ZZZ3: variants seen among roughly 807,000 people sequenced by gnomAD.
The protein encoded by ZZZ3 is zinc finger ZZ-type containing 3, also known as ZZ-type zinc finger-containing protein 3.
In ZZZ3, 22 loss-of-function variants were observed where a neutral mutation model predicts 95.2. The observed-to-expected ratio is 0.23, with a 90% confidence interval of 0.17 to 0.33. ZZZ3 has a LOEUF of 0.33. Ranked by LOEUF, ZZZ3 falls within the 10% of genes least tolerant of loss-of-function variation. The probability of loss-of-function intolerance (pLI) is 1.00; values close to 1 mark genes in which losing one functional copy is unlikely to be tolerated. For synonymous variants in ZZZ3, 335 were observed against 358.9 expected (o/e 0.93, Z 0.75); for missense variants, 885 against 1,066.5 (o/e 0.83, Z 2.37).
intron 1 of ZZZ3, among the ~76,000 whole-genome samples, chr1:77,674,832 G>A (rs1448434118): frequency 2.0e-5 from 3 of 151,390 alleles, no homozygotes; most frequent in African/African-American, 7.3e-5. Context: ...TGTGCCTGTA[G>A]TCCCAGCTAC....
Position 77,632,972 on chromosome 1 carries a change from G to A in ZZZ3, c.383C>T (p.Pro128Leu). Residue 128 changes from proline to leucine, a missense_variant, in exon 5 of 15, where the codon CCA becomes CTA. By Grantham distance (98) the Pro-to-Leu change is moderately conservative. Transcript: ENST00000370801. ...RIKRCLRSEA[P>L]NSSEEDSPIK... ...AGGAGAATCTTCTTCTGAACTGTTT[G>A]GTGCTTCAGATCTAAGACAACGCTT... 2.5e-6 allele frequency: 4 copies of A among 1,614,004 alleles called. No homozygotes were observed. The highest frequency in any genetic ancestry group is 3.4e-6 in the Non-Finnish European group (4 of 1,180,022).
chr1:77,585,499 C>T (rs1318324213), intron 5 of ZZZ3, among the ~76,000 whole-genome samples: 1 of 152,190 alleles, frequency 6.6e-6, no homozygotes, highest in African/African-American at 2.4e-5. Context: ...TGCTCAAATA[C>T]ATTTTGCAAA....
intron 1 of ZZZ3, among the ~76,000 whole-genome samples, chr1:77,675,998 A>G (rs1392821180): frequency 6.6e-6 from 1 of 152,246 alleles, no homozygotes; most frequent in Non-Finnish European, 1.5e-5. Flanking sequence ...TACAGCTGTT[A>G]AATGAAACTT....
At chr1:77,651,372 A>C (rs1275404821) in intron 1 of ZZZ3, among the ~76,000 whole-genome samples, 1 of 152,068 alleles carries the variant, frequency 6.6e-6, no homozygotes, top group Non-Finnish European at 1.5e-5. Flanking sequence ...GAGAGAGAGA[A>C]TCTGTCTTTA....
At chr1:77,578,666 A>T in intron 11 of ZZZ3, 108 bp downstream of exon 11, 1 of 602,160 alleles carries the variant, frequency 1.7e-6, no homozygotes, top group Non-Finnish European at 2.5e-6. Flanking sequence ...TAGAATGAAC[A>T]GAAGTTTTAA....
At chr1:77,597,697 G>A (rs1173864015) in intron 5 of ZZZ3, among the ~76,000 whole-genome samples, 3 of 151,982 alleles carry the variant, frequency 2.0e-5, no homozygotes, top group Non-Finnish European at 4.4e-5. Flanking sequence ...TGTAATACCT[G>A]ACTAGTACCC....
chr1:77,596,602 C>T (rs1664233188), intron 5 of ZZZ3, among the ~76,000 whole-genome samples: 1 of 151,972 alleles, frequency 6.6e-6, no homozygotes, highest in African/African-American at 2.4e-5. Context: ...CACTGAGGGG[C>T]AGGAAGAAAA....
At chr1:77,662,381 G>A (rs1670878140) in intron 1 of ZZZ3, among the ~76,000 whole-genome samples, 1 of 151,808 alleles carries the variant, frequency 6.6e-6, no homozygotes, top group Non-Finnish European at 1.5e-5. Flanking sequence ...TGGGCTCAAG[G>A]GATCCTCCTC....
At chr1:77,587,255 A>AC (rs1570434884) in intron 5 of ZZZ3, among the ~76,000 whole-genome samples, 3 of 105,138 alleles carry the variant, frequency 2.9e-5, no homozygotes, top group Non-Finnish European at 4.0e-5. Context: ...TCCAACTTTG[A>AC]CCCTTTTTTT....
At chr1:77,570,897 T>C (rs1191006516) in intron 12 of ZZZ3, among the ~76,000 whole-genome samples, 3 of 149,338 alleles carry the variant, frequency 2.0e-5, no homozygotes, top group Non-Finnish European at 1.5e-5. Context: ...CTCGAACTTC[T>C]GGGCTCCAGT....
chr1:77,630,849 C>T (rs1451747805), intron 5 of ZZZ3, among the ~76,000 whole-genome samples: 1 of 152,142 alleles, frequency 6.6e-6, no homozygotes, highest in Non-Finnish European at 1.5e-5. Flanking sequence ...CTGACACATA[C>T]CAGGGTCTGG....
rs1358665324 is a variant in ZZZ3, at chr1:77,581,839, C to T, written c.1845G>A (p.Glu615=). The T allele has an allele frequency of 6.2e-7, 1 of 1,613,954 alleles. No individual in the cohort carries two copies. The highest frequency in any genetic ancestry group is 8.5e-7 in the Non-Finnish European group (1 of 1,179,970). The change falls in exon 8 of 15, where the codon GAG becomes GAA. Residue 615 remains glutamate, a synonymous_variant. Transcript: ENST00000370801. ...KSPLDPKKDG[E]SLSYSMLPLS... The stretch of plus-strand genomic sequence containing the variant: ...AAGGCAACATAGAATATGAAAGGGA[C>T]TCTCCATCCTTCTTAGGATCTAAAG...
intron 1 of ZZZ3, among the ~76,000 whole-genome samples, chr1:77,664,454 C>G (rs1023293278): frequency 2.6e-5 from 4 of 152,144 alleles, no homozygotes; most frequent in Non-Finnish European, 4.4e-5. Flanking sequence ...ATCTATATTC[C>G]CCATTCAATT....
Position 77,570,155 on chromosome 1 carries a change from C to T in ZZZ3, c.2332-1689G>A, listed in dbSNP as rs546997158. On this transcript the variant is annotated intron_variant, in intron 12 of 14. Coordinates refer to ENST00000370801, the MANE Select transcript of ZZZ3 (RefSeq NM_015534.6). ...TTTCACTCTGTCACCCAGGCTGGAG[C>T]GCAGTGGCGCGATCTTGGCTCACTG... Among the ~76,000 whole-genome samples the T allele has an allele frequency of 4.6e-5, 7 of 152,090 alleles. No homozygotes were observed. The East Asian group carries it at 5.8e-4, about 13-fold the overall frequency.
chr1:77,644,540 TAGAA>T (rs1159023615), intron 1 of ZZZ3, among the ~76,000 whole-genome samples: 2 of 152,190 alleles, frequency 1.3e-5, no homozygotes, highest in Admixed American at 6.5e-5. Flanking sequence ...TCACAGCCAA[TAGAA>T]AGACAATAGG....
At chr1:77,639,428 C>A (rs565537156) in intron 4 of ZZZ3, 21 bp downstream of exon 4, 4 of 1,504,490 alleles carry the variant, frequency 2.7e-6, no homozygotes, top group South Asian at 1.3e-5. Context: ...GTCTTCACTA[C>A]TGCAAAACTA....
At chr1:77,628,081 C>G (rs1667480408) in intron 5 of ZZZ3, among the ~76,000 whole-genome samples, 1 of 152,172 alleles carries the variant, frequency 6.6e-6, no homozygotes, top group African/African-American at 2.4e-5. Flanking sequence ...TAGAGCCAGA[C>G]CTTCAAAATT....
intron 1 of ZZZ3, among the ~76,000 whole-genome samples, chr1:77,653,842 C>T (rs1670028295): frequency 6.6e-6 from 1 of 152,032 alleles, no homozygotes; most frequent in African/African-American, 2.4e-5. Flanking sequence ...CCATGAAAAA[C>T]TGCAAATTCC....
intron 5 of ZZZ3, among the ~76,000 whole-genome samples, chr1:77,608,079 TA>T (rs1312879483): frequency 1.3e-5 from 2 of 151,994 alleles, no homozygotes; most frequent in Non-Finnish European, 2.9e-5. Context: ...AAGAAAGACA[TA>T]GGGGTAGAAA....
Sources: allele counts gnomAD v4.1 joint callset (sites outside exome capture counted in the v4.1 genomes callset), GRCh38; gene constraint gnomAD v4.1.1; transcripts MANE v1.5; gene names NCBI Gene and HGNC (gene_info 2026-07-23, HGNC 2026-07-21).